RALGPS2: variants seen among roughly 807,000 people sequenced by gnomAD.
RALGPS2 encodes the protein Ral GEF with PH domain and SH3 binding motif 2, also known as ras-specific guanine nucleotide-releasing factor RalGPS2.
A neutral mutation model predicts 86.8 loss-of-function variants in RALGPS2; 43 were observed. The observed-to-expected ratio is 0.50, with a 90% CI of 0.39 to 0.64. The LOEUF is 0.64. Among genes scored for constraint, RALGPS2 ranks in the 30% least tolerant of loss-of-function variants. The pLI, the probability that RALGPS2 is intolerant of heterozygous loss-of-function variation, is 0.00. For missense variants in RALGPS2, 536 were observed against 694.6 expected, an observed-to-expected ratio of 0.77 and a Z score of 2.57; for synonymous variants, 243 against 231.3, an observed-to-expected ratio of 1.05 and a Z score of -0.46.
chr1:178,747,306 G>A, intron 1 of RALGPS2: 1 of 1,530,334 alleles, frequency 6.5e-7, no homozygotes, highest in Non-Finnish European at 9.1e-7. Context: ...CCAAAATCTG[G>A]CCAAGTAGTA....
intron 4 of RALGPS2, among the ~76,000 whole-genome samples, chr1:178,802,078 C>T (rs1654503805): frequency 6.6e-6 from 1 of 152,030 alleles, no homozygotes; most frequent in Non-Finnish European, 1.5e-5. Context: ...AAACACCAGG[C>T]TCCCAGAAGT....
intron 19 of RALGPS2, among the ~76,000 whole-genome samples, chr1:178,914,723 T>G (rs1397164784): frequency 6.6e-6 from 1 of 152,190 alleles, no homozygotes; most frequent in Non-Finnish European, 1.5e-5. Context: ...ATAGTTTTTA[T>G]TGTTTCAAAT....
intron 1 of RALGPS2, chr1:178,746,765 G>T: frequency 2.4e-6 from 2 of 828,782 alleles, no homozygotes; most frequent in South Asian, 2.6e-5. Context: ...CTTCTGAGCT[G>T]TGGTGGCCTT....
intron 8 of RALGPS2, among the ~76,000 whole-genome samples, chr1:178,843,527 T>A (rs1023371745): frequency 7.7e-6 from 1 of 129,934 alleles, no homozygotes; most frequent in African/African-American, 2.8e-5. Flanking sequence ...GGGGGAGGGA[T>A]AGCATTGGGA....
At chr1:178,856,202 G>GATAGATATATATATAT (rs1553271351) in intron 8 of RALGPS2, among the ~76,000 whole-genome samples, 3 of 83,910 alleles carry the variant, frequency 3.6e-5, no homozygotes, top group African/African-American at 1.9e-4. Flanking sequence ...GAGAGAGAGA[G>GATAGATATATATATAT]ATATATATAT....
chr1:178,889,836 A>T (rs999648557), intron 14 of RALGPS2, 140 bp downstream of exon 14: 1 of 535,306 alleles, frequency 1.9e-6, no homozygotes, highest in Non-Finnish European at 3.3e-6. Flanking sequence ...TTAGAAGTTG[A>T]TATTTAAGTT....
chr1:178,729,242 C>T (rs2101997853), intron 1 of RALGPS2, among the ~76,000 whole-genome samples: 1 of 152,212 alleles, frequency 6.6e-6, no homozygotes, highest in South Asian at 2.1e-4. Flanking sequence ...TAGCATCCCC[C>T]ATCATACTCT....
chr1:178,899,204 C>T (rs1009851656), intron 17 of RALGPS2, among the ~76,000 whole-genome samples: 1 of 151,688 alleles, frequency 6.6e-6, no homozygotes, highest in Admixed American at 6.6e-5. Context: ...TGCATTGTTG[C>T]TTGTGCATAA....
At chr1:178,799,724 G>A (rs1195572428) in intron 4 of RALGPS2, among the ~76,000 whole-genome samples, 1 of 152,070 alleles carries the variant, frequency 6.6e-6, no homozygotes, top group Non-Finnish European at 1.5e-5. Flanking sequence ...CCAGAGCCCC[G>A]TGTGTTCAAC....
At chr1:178,866,384 T>A (rs933560978) in intron 8 of RALGPS2, among the ~76,000 whole-genome samples, 3 of 152,162 alleles carry the variant, frequency 2.0e-5, no homozygotes, top group African/African-American at 7.2e-5. Context: ...TAAACCCAGA[T>A]AGTTTTAGCA....
Position 178,850,970 on chromosome 1 carries a change from C to G in RALGPS2, c.607+17420C>G, listed in dbSNP as rs185933867. 4.2e-3 allele frequency: 2,470 copies of G among 585,826 alleles called. 6 individuals are homozygous for G. Among genetic ancestry groups the G allele is most frequent in the Non-Finnish European group, 5.7e-3 (2,181 of 379,682 alleles). 36.3% of individuals were successfully genotyped at this position (585,826 alleles called of 1,614,324 possible). A position where few individuals can be genotyped will look rare whatever the true frequency, so the allele number is the denominator to read the frequency against. On this transcript the variant is annotated intron_variant, in intron 8 of 19. Coordinates refer to ENST00000367635, the MANE Select transcript of RALGPS2 (RefSeq NM_152663.5). Reference sequence around the variant, plus strand: ...CTGCAGTAATTGACGACAGATGAAACTACATTTATAGGTTCCCTTTTATAG... The same window carrying G: ...CTGCAGTAATTGACGACAGATGAAAGTACATTTATAGGTTCCCTTTTATAG...
chr1:178,791,366 C>T (rs1333681466), intron 4 of RALGPS2, among the ~76,000 whole-genome samples: 4 of 150,492 alleles, frequency 2.7e-5, no homozygotes, highest in Middle Eastern at 3.5e-3. Context: ...TGGGCTCAAG[C>T]GATCCCCCGG....
At chr1:178,912,282 A>G (rs934518788) in intron 19 of RALGPS2, among the ~76,000 whole-genome samples, 1 of 152,164 alleles carries the variant, frequency 6.6e-6, no homozygotes, top group Non-Finnish European at 1.5e-5. Flanking sequence ...TTATAGTGTC[A>G]GTGGACTATA....
intron 11 of RALGPS2, among the ~76,000 whole-genome samples, chr1:178,883,872 C>T (rs931815475): frequency 1.6e-4 from 25 of 151,918 alleles, no homozygotes; most frequent in African/African-American, 5.8e-4. Flanking sequence ...ACCTATAGTC[C>T]CAGCTACTCA....
Position 178,799,422 on chromosome 1 carries a change from C to T in RALGPS2, c.214-8623C>T, listed in dbSNP as rs112555437. ...TATATTAGCAAGGAAGAGAGGCAAG[C>T]ACCACAATTTAAGGCAGATGGGGAT... is the stretch of plus-strand genomic sequence containing the variant. On this transcript the variant is annotated intron_variant, in intron 4 of 19. Coordinates refer to ENST00000367635, the MANE Select transcript of RALGPS2 (RefSeq NM_152663.5). Among the ~76,000 whole-genome samples, 188 of 152,120 alleles carry T rather than the reference C, an allele frequency of 1.2e-3. 1 individual carries two copies. The highest frequency in any genetic ancestry group is 4.1e-3 in the African/African-American group (171 of 41,478).
intron 10 of RALGPS2, 50 bp downstream of exon 10, chr1:178,879,042 C>T (rs1024560785): frequency 1.9e-6 from 3 of 1,586,812 alleles, no homozygotes; most frequent in Non-Finnish European, 2.6e-6. Flanking sequence ...CTGTCCTCCA[C>T]CTTTCTATCC....
At chr1:178,755,572 C>G (rs1358932688) in intron 1 of RALGPS2, among the ~76,000 whole-genome samples, 2 of 152,166 alleles carry the variant, frequency 1.3e-5, no homozygotes, top group Non-Finnish European at 2.9e-5. Flanking sequence ...ACCACATTTT[C>G]TTTATCCAGT....
chr1:178,770,535 G>A (rs1264253195), intron 1 of RALGPS2, among the ~76,000 whole-genome samples: 4 of 134,354 alleles, frequency 3.0e-5, no homozygotes, highest in Non-Finnish European at 4.6e-5. Flanking sequence ...TTCTGAGACA[G>A]TCTTGCACTC....
intron 17 of RALGPS2, 25 bp from the exon 18 acceptor site, chr1:178,902,081 C>T (rs534726614): frequency 1.2e-5 from 18 of 1,552,388 alleles, no homozygotes; most frequent in East Asian, 9.0e-5. Context: ...TTTCTGTTTC[C>T]GCTAATTATC....
Sources: allele counts gnomAD v4.1 joint callset (sites outside exome capture counted in the v4.1 genomes callset), GRCh38; gene constraint gnomAD v4.1.1; transcripts MANE v1.5; gene names NCBI Gene and HGNC (gene_info 2026-07-23, HGNC 2026-07-21).